POLR3E: variants seen among roughly 807,000 people sequenced by gnomAD.
POLR3E encodes RNA polymerase III subunit E, also known as DNA-directed RNA polymerase III subunit RPC5.
A neutral mutation model predicts 96.6 loss-of-function variants in POLR3E; 41 were observed. The observed-to-expected ratio is 0.42, with a 90% confidence interval of 0.33 to 0.55. The LOEUF is 0.55. POLR3E is among the 20% of genes least tolerant of loss of function. POLR3E has a pLI of 0.06. For synonymous variants in POLR3E, 396 were observed against 383.6 expected, an observed-to-expected ratio of 1.03 and a Z score of -0.38; for missense variants, 849 against 952.1, an observed-to-expected ratio of 0.89 and a Z score of 1.43.
intron 1 of POLR3E, among the ~76,000 whole-genome samples, chr16:22,302,265 G>C (rs2048040211): frequency 6.6e-6 from 1 of 152,160 alleles, no homozygotes; most frequent in Admixed American, 6.5e-5. Flanking sequence ...TGGATTTGAA[G>C]TCCAGTTCAT....
chr16:22,303,639 CT>C lies in POLR3E; in HGVS notation c.36+653del, dbSNP rs58949663. The stretch of plus-strand genomic sequence containing the variant: ...TACAGGCAGTGGGAGGCAGATTTCC[CT>C]TTTTTTTTTTTTTTTTTGGAGACAG... On this transcript the variant is annotated intron_variant, in intron 2 of 20. Transcript: ENST00000299853. Among the ~76,000 whole-genome samples the C allele has an allele frequency of 2.0e-3, 229 of 114,234 alleles. 1 individual carries two copies. The highest frequency in any genetic ancestry group is 6.2e-3 in the East Asian group (27 of 4,322). 74.9% of individuals were successfully genotyped at this position (114,234 alleles called of 152,430 possible). A position where few individuals can be genotyped will look rare whatever the true frequency, so the allele number is the denominator to read the frequency against.
chr16:22,325,681 T>A, intron 17 of POLR3E, 80 bp from the exon 18 acceptor site: 1 of 1,452,448 alleles, frequency 6.9e-7, no homozygotes, highest in Non-Finnish European at 9.1e-7. Flanking sequence ...GACCACTTGC[T>A]GCAGCCCCGC....
At chr16:22,299,682 G>T (rs1013297533) in intron 1 of POLR3E, among the ~76,000 whole-genome samples, 1 of 152,046 alleles carries the variant, frequency 6.6e-6, no homozygotes, top group African/African-American at 2.4e-5. Context: ...CCAAAGTGCT[G>T]GGATTACAGG....
chr16:22,313,588 G>A lies in POLR3E; in HGVS notation c.365-32G>A. The A allele has an allele frequency of 6.7e-7, 1 of 1,486,106 alleles. No homozygotes were observed. Among genetic ancestry groups the A allele is most frequent in the South Asian group, 1.1e-5 (1 of 88,284 alleles). 92.1% of individuals were successfully genotyped at this position (1,486,106 alleles called of 1,614,324 possible). A position where few individuals can be genotyped will look rare whatever the true frequency, so the allele number is the denominator to read the frequency against. On this transcript the variant is annotated intron_variant, in intron 6 of 20. Coordinates refer to ENST00000299853, the MANE Select transcript of POLR3E (RefSeq NM_018119.4). The surrounding 1 kb of genome is among the most constrained non-coding windows in gnomAD (Gnocchi z 4.1). ...TTGAGCCAAACTGGGTGGGTTTCTAGAGTTGAGTCCAAGCCCTTCTTCCTC... is the reference window on the plus strand; with the variant it reads ...TTGAGCCAAACTGGGTGGGTTTCTAAAGTTGAGTCCAAGCCCTTCTTCCTC...
At chr16:22,332,363 G>T (rs543444733) in intron 20 of POLR3E, among the ~76,000 whole-genome samples, 178 bp downstream of exon 20, 1 of 152,126 alleles carries the variant, frequency 6.6e-6, no homozygotes, top group Non-Finnish European at 1.5e-5. Flanking sequence ...GTTGGGGAAG[G>T]GGGTATGTGC....
Position 22,318,914 on chromosome 16 carries a change from G to A in POLR3E, c.954G>A (p.Ala318=). The change falls in exon 13 of 21, where the codon GCG becomes GCA. Residue 318 remains alanine, a synonymous_variant. Transcript: ENST00000299853. This position sits in a 1 kb window ranked among gnomAD's most constrained non-coding sequence, Gnocchi z 5.0. The part of the protein sequence containing the change: ...VAVLRGIQKV[A]MLVQGNWVVK... ...TTCTGCGGGGCATCCAGAAGGTGGC[G>A]ATGTTGGTCCAAGGGAACTGGGTGG... 3.7e-6 allele frequency: 6 copies of A among 1,613,692 alleles called. No homozygotes were observed. The highest frequency in any genetic ancestry group is 4.2e-6 in the Non-Finnish European group (5 of 1,179,782).
chr16:22,330,268 C>CG (rs919276600), intron 19 of POLR3E, among the ~76,000 whole-genome samples: 15 of 148,780 alleles, frequency 1.0e-4, no homozygotes, highest in African/African-American at 2.7e-4. Context: ...TGGTAGGGGT[C>CG]GGGGGGTGGT....
Position 22,325,891 on chromosome 16 carries a change from C to A in POLR3E, c.1479C>A (p.Pro493=). The A allele has an allele frequency of 6.2e-7, 1 of 1,608,404 alleles. No homozygotes were observed. The highest frequency in any genetic ancestry group is 8.5e-7 in the Non-Finnish European group (1 of 1,177,510). The change falls in exon 18 of 21, where the codon CCC becomes CCA. Residue 493 remains proline, a synonymous_variant. Coordinates refer to ENST00000299853, the MANE Select transcript of POLR3E (RefSeq NM_018119.4). ...AGCTGCGGGTGCCTGCGGTCCCGCC[C>A]GGTGTGCGGATCAAGGAGGAGCCCG... The part of the protein sequence containing the change: ...KEQLRVPAVP[P]GVRIKEEPVS...
At chr16:22,326,397 C>G in intron 18 of POLR3E, 119 bp downstream of exon 18, 1 of 864,176 alleles carries the variant, frequency 1.2e-6, no homozygotes, top group Non-Finnish European at 1.9e-6. Context: ...CTCACGTGGG[C>G]CTAGGTGTGA....
At chr16:22,326,850 C>A in intron 18 of POLR3E, 1 of 164,808 alleles carries the variant, frequency 6.1e-6, no homozygotes, top group Non-Finnish European at 1.3e-5. Flanking sequence ...TGGGTCCTGG[C>A]GGCCTCCCTG....
intron 1 of POLR3E, among the ~76,000 whole-genome samples, chr16:22,301,559 T>C (rs939167281): frequency 6.6e-6 from 1 of 151,824 alleles, no homozygotes; most frequent in African/African-American, 2.4e-5. Flanking sequence ...TCAACCTGGG[T>C]GACAGAGCAA....
rs1433094073 is a variant in POLR3E at position 22,334,365 on chromosome 16, TGTAA to T, written c.*668_*671del. On this transcript the variant is annotated 3_prime_UTR_variant, in exon 21 of 21. Coordinates refer to ENST00000299853, the MANE Select transcript of POLR3E (RefSeq NM_018119.4). Reference sequence around the variant, plus strand: ...AAAACCAGGTAAGTATGGAACAATGTGTAAGTGAGGTTATCACACTTTGATGTAA... The same window carrying T: ...AAAACCAGGTAAGTATGGAACAATGTGTGAGGTTATCACACTTTGATGTAA... The T allele has an allele frequency of 6.6e-6, 1 of 152,244 alleles. No individual in the cohort carries two copies. Among genetic ancestry groups the T allele is most frequent in the Admixed American group, 6.5e-5 (1 of 15,288 alleles). 9.4% of individuals were successfully genotyped at this position (152,244 alleles called of 1,614,324 possible).
At chr16:22,328,329 T>G in intron 18 of POLR3E, 181 bp from the exon 19 acceptor site, 2 of 603,574 alleles carry the variant, frequency 3.3e-6, no homozygotes, top group East Asian at 2.8e-5. Context: ...CTCCTCCCCA[T>G]GGTGAGGTGA....
In POLR3E at chr16:22,317,181, T is replaced by C; in HGVS notation, c.840T>C (p.Asp280=). 6.2e-7 allele frequency: 1 copy of C among 1,613,388 alleles called. No individual in the cohort carries two copies. The highest frequency in any genetic ancestry group is 8.5e-7 in the Non-Finnish European group (1 of 1,179,984). The change falls in exon 12 of 21, where the codon GAT becomes GAC. Residue 280 remains aspartate (D), a synonymous_variant. Coordinates refer to ENST00000299853, the MANE Select transcript of POLR3E (RefSeq NM_018119.4). ...AGCTGCGCACGCTGCCCCTGGCCGA[T>C]CAGATCAAGATCCTGATGAAGAATG... ...MAQLRTLPLA[D]QIKILMKNVK...
Position 22,326,001 on chromosome 16 carries a change from T to C in POLR3E, c.1589T>C (p.Leu530Pro). The C allele has an allele frequency of 6.3e-7, 1 of 1,596,244 alleles. No individual in the cohort carries two copies. Among genetic ancestry groups the C allele is most frequent in the Non-Finnish European group, 8.5e-7 (1 of 1,170,362 alleles). The stretch of plus-strand genomic sequence containing the variant: ...TCCCCCAGCGGCCTCCACAGCAAGC[T>C]GGCCAACGGGCTGCCTCTCGGGCGG... ...DTSPSGLHSK[L>P]ANGLPLGRAA... Residue 530 changes from leucine (L) to proline (P), a missense_variant, in exon 18 of 21, where the codon CTG becomes CCG. Coordinates refer to ENST00000299853, the MANE Select transcript of POLR3E (RefSeq NM_018119.4).
At chr16:22,319,858 C>G (rs961113114) in intron 13 of POLR3E, among the ~76,000 whole-genome samples, 1 of 152,154 alleles carries the variant, frequency 6.6e-6, no homozygotes, top group Non-Finnish European at 1.5e-5. Flanking sequence ...TCAAACTTCA[C>G]TTTTCTAGCT....
At chr16:22,312,389 C>G (rs892960420) in intron 6 of POLR3E, among the ~76,000 whole-genome samples, 2 of 151,998 alleles carry the variant, frequency 1.3e-5, no homozygotes, top group African/African-American at 2.4e-5. Flanking sequence ...CCCAGTTATG[C>G]AGGAGGCTGA....
chr16:22,317,684 TTTTAAAGG>T (rs1180692986), intron 12 of POLR3E, among the ~76,000 whole-genome samples: 2 of 151,876 alleles, frequency 1.3e-5, no homozygotes, highest in African/African-American at 4.8e-5. Context: ...TTTAAGGTTT[TTTTAAAGG>T]TTTTAAAGGT....
In POLR3E at chr16:22,318,349, C is replaced by T. The variant is rs2048402304; in HGVS notation, c.866-477C>T. 1.3e-5 allele frequency among the ~76,000 whole-genome samples: 2 copies of T among 152,206 alleles called. No individual in the cohort carries two copies. The highest frequency in any genetic ancestry group is 1.3e-4 in the Admixed American group (2 of 15,272). ...CCTCAAGTGATCTGCCTCCCTCGGC[C>T]TCCCAAAGTGCTGTGATTACAGGTG... On this transcript the variant is annotated intron_variant, in intron 12 of 20. Coordinates refer to ENST00000299853, the MANE Select transcript of POLR3E (RefSeq NM_018119.4). This position sits in a 1 kb window ranked among gnomAD's most constrained non-coding sequence, Gnocchi z 5.0.
Sources: gnomAD v4.1 joint callset for allele counts (sites outside exome capture counted in the v4.1 genomes callset) on GRCh38, gnomAD v4.1.1 for gene constraint, Gnocchi (gnomAD v3.1) non-coding constraint, MANE v1.5 for transcripts, NCBI Gene and HGNC (gene_info 2026-07-23, HGNC 2026-07-21) for gene names.